NRXN1: variants seen among roughly 807,000 people sequenced by gnomAD.
The protein encoded by NRXN1 is neurexin 1.
NRXN1 carries 39 observed loss-of-function variants against 150.9 expected under a neutral mutation model. The observed-to-expected ratio is 0.26, with a 90% confidence interval of 0.20 to 0.34. The LOEUF is 0.34. Ranked by LOEUF, NRXN1 falls within the 10% of genes least tolerant of loss-of-function variation. NRXN1 has a pLI of 1.00. For synonymous variants in NRXN1, 924 were observed against 757.0 expected, an observed-to-expected ratio of 1.22 and a Z score of -3.62; for missense variants, 1,815 against 1,949.9, an observed-to-expected ratio of 0.93 and a Z score of 1.30.
At chr2:50,707,538 A>AGTCAAACAGCTTTTTATCAT (rs1694611264) in intron 5 of NRXN1, among the ~76,000 whole-genome samples, 1 of 152,294 alleles carries the variant, frequency 6.6e-6, no homozygotes, top group South Asian at 2.1e-4. Flanking sequence ...TTGAAAATTC[A>AGTCAAACAGCTTTTTATCAT]GTCAAACAGC....
chr2:50,930,345 A>G (rs1264003297), intron 2 of NRXN1, among the ~76,000 whole-genome samples: 1 of 152,138 alleles, frequency 6.6e-6, no homozygotes, highest in Admixed American at 6.6e-5. Context: ...ATTTAATTCA[A>G]AATGTTCTAT....
In NRXN1 at chr2:50,807,845, T is replaced by G. The variant is rs575376504; in HGVS notation, c.832+114024A>C. On this transcript the variant is annotated intron_variant, in intron 5 of 22. Coordinates refer to ENST00000401669, the MANE Select transcript of NRXN1 (RefSeq NM_001330078.2). ...GAGGCAGTAGGTTCTGTATAAAAAT[T>G]TTTATCGTAGATACAATTGTCACCT... is the stretch of plus-strand genomic sequence containing the variant. 4.7e-3 allele frequency among the ~76,000 whole-genome samples: 712 copies of G among 152,264 alleles called. 2 individuals carry two copies. Among genetic ancestry groups the G allele is most frequent in the Non-Finnish European group, 7.5e-3 (512 of 68,006 alleles).
At chr2:50,187,012 C>T (rs1277991903) in intron 18 of NRXN1, among the ~76,000 whole-genome samples, 1 of 151,904 alleles carries the variant, frequency 6.6e-6, no homozygotes, top group Non-Finnish European at 1.5e-5. Context: ...TGAGCAAGAA[C>T]AAGATATTTC....
At chr2:50,029,142 G>C (rs1016121809) in intron 21 of NRXN1, among the ~76,000 whole-genome samples, 1 of 152,160 alleles carries the variant, frequency 6.6e-6, no homozygotes, top group Admixed American at 6.5e-5. Context: ...ACAAACCAGA[G>C]TTCTTCCTTT....
At position 50,531,334 on chromosome 2, in the gene NRXN1, C is replaced by T. The variant is rs201643971; in HGVS notation, c.2240G>A (p.Arg747Gln). 11 of 1,613,336 alleles carry T rather than the reference C, an allele frequency of 6.8e-6. No individual in the cohort carries two copies. The highest frequency in any genetic ancestry group is 4.0e-5 in the African/African-American group (3 of 75,002). The change falls in exon 11 of 23, where the codon CGA becomes CAA. Residue 747 changes from arginine to glutamine, a missense_variant. By Grantham distance (43) the Arg-to-Gln change is conservative. Transcript: ENST00000401669. ...CAGAATGCCATATGCACGCTGGGAT[C>T]GGAACCGTAAGGAAACATCCTCAGC... is the stretch of plus-strand genomic sequence containing the variant. ...TEAEDVSLRF[R>Q]SQRAYGILMA...
intron 17 of NRXN1, among the ~76,000 whole-genome samples, chr2:50,303,688 C>G (rs1426050027): frequency 6.6e-6 from 1 of 152,032 alleles, no homozygotes; most frequent in East Asian, 1.9e-4. Flanking sequence ...TACATCAAGA[C>G]AAAATTTATT....
intron 17 of NRXN1, among the ~76,000 whole-genome samples, chr2:50,456,223 T>C (rs2087544274): frequency 6.6e-6 from 1 of 152,146 alleles, no homozygotes; most frequent in Non-Finnish European, 1.5e-5. Context: ...ATGAAACTTG[T>C]TCCATTCTGA....
chr2:50,296,223 T>C (rs1302858524), intron 17 of NRXN1, among the ~76,000 whole-genome samples: 1 of 152,212 alleles, frequency 6.6e-6, no homozygotes, highest in Non-Finnish European at 1.5e-5. Flanking sequence ...TCATACAGTA[T>C]TCTAAGCCTT....
chr2:50,862,421 C>A (rs1363366617), intron 5 of NRXN1, among the ~76,000 whole-genome samples: 1 of 151,892 alleles, frequency 6.6e-6, no homozygotes, highest in Admixed American at 6.6e-5. Flanking sequence ...TCAGACCCAC[C>A]CTTAGCTAAG....
intron 18 of NRXN1, among the ~76,000 whole-genome samples, chr2:50,170,752 CTGTCGTGT>C (rs1229074758): frequency 6.8e-6 from 1 of 146,212 alleles, no homozygotes; most frequent in Non-Finnish European, 1.5e-5. Context: ...CTCTCTCTGT[CTGTCGTGT>C]GTGTGTGTGT....
intron 17 of NRXN1, among the ~76,000 whole-genome samples, chr2:50,447,306 T>C (rs1045977784): frequency 1.3e-5 from 2 of 151,634 alleles, no homozygotes; most frequent in Non-Finnish European, 2.9e-5. Context: ...AAACCCCATC[T>C]GTACTATTAA....
intron 21 of NRXN1, among the ~76,000 whole-genome samples, chr2:49,987,346 C>T (rs1681103494): frequency 6.6e-6 from 1 of 152,148 alleles, no homozygotes; most frequent in African/African-American, 2.4e-5. Context: ...CTGTCCTAAG[C>T]CTTGGCCTCC....
chr2:50,540,453 C>G (rs999944967), intron 9 of NRXN1, among the ~76,000 whole-genome samples: 6 of 152,038 alleles, frequency 3.9e-5, no homozygotes, highest in Admixed American at 3.9e-4. Context: ...TCATTACACG[C>G]ATTTTAAAGC....
At chr2:50,195,849 C>T (rs755275764) in intron 18 of NRXN1, among the ~76,000 whole-genome samples, 18 of 151,894 alleles carry the variant, frequency 1.2e-4, no homozygotes, top group African/African-American at 1.7e-4. Context: ...ATCATAGTTT[C>T]TTATTCTGAT....
chr2:50,511,789 G>T (rs2092462278), intron 12 of NRXN1, among the ~76,000 whole-genome samples: 1 of 152,096 alleles, frequency 6.6e-6, no homozygotes, highest in Admixed American at 6.6e-5. Flanking sequence ...GAGGGATAGA[G>T]AGAGAGACAC....
At chr2:50,936,707 T>C (rs1309428269) in intron 2 of NRXN1, among the ~76,000 whole-genome samples, 3 of 152,050 alleles carry the variant, frequency 2.0e-5, no homozygotes, top group African/African-American at 4.8e-5. Flanking sequence ...AGTGTCATCG[T>C]TTTTTTAATT....
chr2:50,506,707 G>C (rs2092242832), intron 12 of NRXN1, 90 bp from the exon 13 acceptor site: 2 of 1,296,906 alleles, frequency 1.5e-6, no homozygotes, highest in Non-Finnish European at 2.2e-6. Flanking sequence ...GACAAGGGGG[G>C]AAGGTGAGGG....
intron 5 of NRXN1, among the ~76,000 whole-genome samples, chr2:50,862,931 G>A (rs1360366531): frequency 6.6e-6 from 1 of 152,012 alleles, no homozygotes; most frequent in Non-Finnish European, 1.5e-5. Flanking sequence ...ATCTGCCTAC[G>A]TGAAAAGAGC....
chr2:50,776,444 G>T (rs1703646151), intron 5 of NRXN1, among the ~76,000 whole-genome samples: 1 of 151,920 alleles, frequency 6.6e-6, no homozygotes, highest in Admixed American at 6.6e-5. Flanking sequence ...TTATTTCAGA[G>T]CATTCATAAT....
Sources: allele counts gnomAD v4.1 joint callset (sites outside exome capture counted in the v4.1 genomes callset), GRCh38; gene constraint gnomAD v4.1.1; transcripts MANE v1.5; gene names NCBI Gene and HGNC (gene_info 2026-07-23, HGNC 2026-07-21).